DPYD: variants seen among roughly 807,000 people sequenced by gnomAD.
The protein encoded by DPYD is dihydropyrimidine dehydrogenase [NADP(+)].
DPYD carries 109 observed loss-of-function variants against 116.2 expected under a neutral mutation model. That is an observed-to-expected ratio of 0.94 (90% CI 0.80 to 1.10). DPYD has a LOEUF of 1.10. Among genes scored for constraint, DPYD ranks in the 50% least tolerant of loss-of-function variants. The probability of loss-of-function intolerance (pLI) is 0.00; values close to 1 mark genes in which losing one functional copy is unlikely to be tolerated. For missense variants in DPYD, 1,302 were observed against 1,254.5 expected, an observed-to-expected ratio of 1.04 and a Z score of -0.57; for synonymous variants, 440 against 432.0, an observed-to-expected ratio of 1.02 and a Z score of -0.23.
chr1:97,822,236 C>A (rs12131043), intron 3 of DPYD, among the ~76,000 whole-genome samples: 138,030 of 148,866 alleles, frequency 0.93, 64,316 homozygotes, highest in East Asian at 0.99. Context: ...CTCTCTCTCT[C>A]TATATATATA....
At chr1:97,131,397 G>A (rs531720182) in intron 20 of DPYD, among the ~76,000 whole-genome samples, 2 of 152,150 alleles carry the variant, frequency 1.3e-5, no homozygotes, top group African/African-American at 4.8e-5. Context: ...TAATACCCAG[G>A]CACCACTATA....
At chr1:97,149,894 C>T (rs1481267192) in intron 20 of DPYD, among the ~76,000 whole-genome samples, 1 of 152,194 alleles carries the variant, frequency 6.6e-6, no homozygotes, top group Non-Finnish European at 1.5e-5. Context: ...TGTATATTTT[C>T]ACCATTTCTG....
chr1:97,853,839 TCAGA>T (rs1670683210), intron 2 of DPYD, among the ~76,000 whole-genome samples: 1 of 152,146 alleles, frequency 6.6e-6, no homozygotes, highest in Non-Finnish European at 1.5e-5. Flanking sequence ...AAAACTATAC[TCAGA>T]CAATTAAAAG....
intron 19 of DPYD, among the ~76,000 whole-genome samples, chr1:97,198,056 T>C (rs1485837315): frequency 1.3e-5 from 2 of 152,212 alleles, no homozygotes; most frequent in Admixed American, 1.3e-4. Context: ...GTAGGAACTT[T>C]GCACATTGAT....
At chr1:97,473,128 T>C (rs10875091) in intron 13 of DPYD, among the ~76,000 whole-genome samples, 123,657 of 152,084 alleles carry the variant, frequency 0.81, 50,726 homozygotes, top group Middle Eastern at 0.88. Context: ...ATTTCCAACC[T>C]GCTTCCCAAA....
intron 12 of DPYD, chr1:97,547,075 T>A: frequency 1.0e-6 from 1 of 963,974 alleles, no homozygotes; most frequent in Admixed American, 1.7e-5. Flanking sequence ...GAGGTGTAGT[T>A]TTTTTACTCT....
intron 14 of DPYD, among the ~76,000 whole-genome samples, chr1:97,401,896 T>G (rs901561368): frequency 6.6e-6 from 1 of 152,164 alleles, no homozygotes; most frequent in African/African-American, 2.4e-5. Flanking sequence ...TATTCTCCAC[T>G]GAAGTGTCTT....
intron 13 of DPYD, among the ~76,000 whole-genome samples, chr1:97,479,461 T>C (rs1678177507): frequency 1.3e-5 from 2 of 152,174 alleles, no homozygotes; most frequent in South Asian, 4.1e-4. Context: ...TTGGTTAAGT[T>C]TGCTGTCTTA....
intron 3 of DPYD, among the ~76,000 whole-genome samples, chr1:97,815,827 G>A (rs1008548400): frequency 1.3e-5 from 2 of 152,168 alleles, no homozygotes; most frequent in African/African-American, 4.8e-5. Flanking sequence ...TTTCAGGAGA[G>A]AGAGAGTAAT....
intron 14 of DPYD, among the ~76,000 whole-genome samples, chr1:97,434,709 T>A: frequency 6.6e-6 from 1 of 152,078 alleles, no homozygotes; most frequent in Admixed American, 6.6e-5. Context: ...AATAATCTGA[T>A]GTTTGGCTTT....
At chr1:97,723,394 T>A (rs1663033378) in intron 4 of DPYD, among the ~76,000 whole-genome samples, 2 of 151,508 alleles carry the variant, frequency 1.3e-5, no homozygotes, top group African/African-American at 4.8e-5. Context: ...GCTCAATAGA[T>A]TACAGAATCT....
chr1:97,764,523 A>T (rs1013841530), intron 3 of DPYD, among the ~76,000 whole-genome samples: 4 of 152,118 alleles, frequency 2.6e-5, no homozygotes, highest in Non-Finnish European at 5.9e-5. Flanking sequence ...TTCAGTTCTA[A>T]GCAAAAAAAT....
intron 20 of DPYD, among the ~76,000 whole-genome samples, chr1:97,162,254 G>C (rs1658113433): frequency 6.6e-6 from 1 of 152,138 alleles, no homozygotes; most frequent in African/African-American, 2.4e-5. Context: ...ACTTTTTAAT[G>C]ATTGCCATTC....
intron 3 of DPYD, among the ~76,000 whole-genome samples, chr1:97,768,937 G>A (rs543841641): frequency 1.3e-5 from 2 of 151,032 alleles, no homozygotes; most frequent in East Asian, 3.9e-4. Context: ...TATTAACCAC[G>A]ATATAATCAA....
intron 13 of DPYD, among the ~76,000 whole-genome samples, chr1:97,452,637 TC>T (rs2101799949): frequency 6.6e-6 from 1 of 152,258 alleles, no homozygotes; most frequent in African/African-American, 2.4e-5. Flanking sequence ...GGAGAATTTC[TC>T]ATAAATGGTT....
intron 13 of DPYD, among the ~76,000 whole-genome samples, chr1:97,513,497 A>G (rs560890872): frequency 3.3e-5 from 5 of 151,850 alleles, no homozygotes; most frequent in Non-Finnish European, 7.4e-5. Flanking sequence ...TATGATAACA[A>G]AACCCCATAG....
At chr1:97,869,230 C>A (rs184780668) in intron 2 of DPYD, among the ~76,000 whole-genome samples, 15 of 151,816 alleles carry the variant, frequency 9.9e-5, no homozygotes, top group Admixed American at 5.9e-4. Flanking sequence ...AGAATGAGGG[C>A]CAGAGTTAGG....
chr1:97,126,908 C>G (rs1331382051), intron 20 of DPYD, among the ~76,000 whole-genome samples: 3 of 152,166 alleles, frequency 2.0e-5, no homozygotes, highest in Non-Finnish European at 2.9e-5. Context: ...GTACCTTGCT[C>G]TGCCTGGGCA....
At chr1:97,405,083 T>C (rs902856548) in intron 14 of DPYD, among the ~76,000 whole-genome samples, 12 of 151,962 alleles carry the variant, frequency 7.9e-5, no homozygotes, top group Non-Finnish European at 1.0e-4. Flanking sequence ...AAAAATCATA[T>C]CCTCCCTCCT....
Sources: gnomAD v4.1 joint callset for allele counts (sites outside exome capture counted in the v4.1 genomes callset) on GRCh38, gnomAD v4.1.1 for gene constraint, MANE v1.5 for transcripts, NCBI Gene and HGNC (gene_info 2026-07-23, HGNC 2026-07-21) for gene names.